The following SNTG1 variants were observed in gnomAD, a reference collection of about 807,000 sequenced individuals.
SNTG1 encodes syntrophin gamma 1, also known as gamma-1-syntrophin.
A neutral mutation model predicts 74.7 loss-of-function variants in SNTG1; 39 were observed. That is an observed-to-expected ratio of 0.52 (90% CI 0.40 to 0.68). The LOEUF (loss-of-function observed/expected upper bound fraction) is 0.68. Ranked by LOEUF, SNTG1 falls within the 30% of genes least tolerant of loss-of-function variation. SNTG1 has a pLI of 0.00. For missense variants in SNTG1, 685 were observed against 609.5 expected (o/e 1.12, Z -1.30); for synonymous variants, 254 against 217.1 (o/e 1.17, Z -1.49).
intron 11 of SNTG1, among the ~76,000 whole-genome samples, chr8:50,541,093 T>C (rs909804984): frequency 5.3e-5 from 8 of 152,154 alleles, no homozygotes; most frequent in Admixed American, 5.2e-4. Context: ...TTAAACCTTT[T>C]ATTTTGAAAA....
At chr8:50,264,063 A>G (rs990339343) in intron 2 of SNTG1, among the ~76,000 whole-genome samples, 1 of 152,258 alleles carries the variant, frequency 6.6e-6, no homozygotes, top group African/African-American at 2.4e-5. Flanking sequence ...AAAATTAAAC[A>G]TTAAGCATTC....
intron 8 of SNTG1, among the ~76,000 whole-genome samples, chr8:50,467,041 T>A (rs953215446): frequency 6.6e-6 from 1 of 151,958 alleles, no homozygotes; most frequent in Non-Finnish European, 1.5e-5. Context: ...GATGTATAAC[T>A]CTTTTTATAC....
In SNTG1 at chr8:50,202,900, G is replaced by A. The variant is rs185478436; in HGVS notation, c.-28+30265G>A. ...TGTTCTCTGTGTATTCTGTTTTTTT[G>A]TTTTGAGTAGCATTAATTTTGGAAA... On this transcript the variant is annotated intron_variant, in intron 2 of 18. Transcript: ENST00000642720. Among the ~76,000 whole-genome samples the A allele has an allele frequency of 1.2e-3, 178 of 147,398 alleles. 1 individual carries two copies. The highest frequency in any genetic ancestry group is 4.7e-3 in the South Asian group (22 of 4,666).
At chr8:50,722,629 T>C (rs936105205) in intron 17 of SNTG1, among the ~76,000 whole-genome samples, 6 of 152,178 alleles carry the variant, frequency 3.9e-5, no homozygotes, top group Non-Finnish European at 8.8e-5. Context: ...TTATATTCTT[T>C]AATTAATTAT....
Position 50,778,441 on chromosome 8 carries a change from C to T in SNTG1, c.1396-14230C>T, listed in dbSNP as rs569632432. ...CTCATTGTGGTTTTGATTTGCATTT[C>T]TCTGATGGCCAGTGATGGTGAGCAT... On this transcript the variant is annotated intron_variant, in intron 18 of 18. Transcript: ENST00000642720. 3.7e-3 allele frequency among the ~76,000 whole-genome samples: 562 copies of T among 151,982 alleles called. 4 individuals carry two copies. Among genetic ancestry groups the T allele is most frequent in the African/African-American group, 0.013 (520 of 41,410 alleles).
chr8:49,979,141 G>A (rs1812443503), intron 1 of SNTG1, among the ~76,000 whole-genome samples: 2 of 152,296 alleles, frequency 1.3e-5, no homozygotes, highest in African/African-American at 2.4e-5. Context: ...ACTAGCAGGC[G>A]GGGAAGGACT....
At chr8:50,258,538 T>C (rs1200029496) in intron 2 of SNTG1, among the ~76,000 whole-genome samples, 6 of 152,196 alleles carry the variant, frequency 3.9e-5, no homozygotes, top group Middle Eastern at 3.4e-3. Context: ...AATTAAAAGA[T>C]GGTATGATGA....
intron 2 of SNTG1, among the ~76,000 whole-genome samples, chr8:50,221,805 C>T (rs183164395): frequency 3.1e-4 from 47 of 152,232 alleles, no homozygotes; most frequent in Admixed American, 2.5e-3. Context: ...GTTCCTTTTG[C>T]CAGCTGCCCA....
chr8:50,755,670 A>G (rs1249431694), intron 18 of SNTG1, among the ~76,000 whole-genome samples: 1 of 151,846 alleles, frequency 6.6e-6, no homozygotes, highest in African/African-American at 2.4e-5. Flanking sequence ...AGTTTTTTTA[A>G]AATTGCCAAA....
intron 1 of SNTG1, among the ~76,000 whole-genome samples, chr8:50,065,644 A>G (rs925355970): frequency 6.6e-6 from 1 of 152,232 alleles, no homozygotes; most frequent in African/African-American, 2.4e-5. Context: ...GGATCATTTC[A>G]GAACATTTAA....
chr8:50,461,667 T>G (rs1213645510), intron 8 of SNTG1, among the ~76,000 whole-genome samples: 1 of 152,208 alleles, frequency 6.6e-6, no homozygotes, highest in Non-Finnish European at 1.5e-5. Context: ...TCTGTGGACT[T>G]CAGTGTCACT....
At chr8:50,494,864 A>T (rs2131905778) in intron 8 of SNTG1, among the ~76,000 whole-genome samples, 1 of 152,132 alleles carries the variant, frequency 6.6e-6, no homozygotes, top group South Asian at 2.1e-4. Context: ...AATTTTATCA[A>T]ATGTTTCAAT....
intron 2 of SNTG1, among the ~76,000 whole-genome samples, chr8:50,205,585 G>C (rs1481141084): frequency 1.3e-5 from 2 of 152,108 alleles, no homozygotes; most frequent in African/African-American, 4.8e-5. Flanking sequence ...GATCCCATTT[G>C]TCCATTTTGG....
chr8:50,539,506 G>T (rs1319553203), intron 11 of SNTG1, among the ~76,000 whole-genome samples: 1 of 152,150 alleles, frequency 6.6e-6, no homozygotes, highest in Non-Finnish European at 1.5e-5. Context: ...AAGGAAGGAG[G>T]TGGACGGATA....
chr8:49,948,906 T>C (rs1451796780), intron 1 of SNTG1, among the ~76,000 whole-genome samples: 2 of 152,194 alleles, frequency 1.3e-5, no homozygotes, highest in Non-Finnish European at 2.9e-5. Context: ...GTCCACCTTT[T>C]GGTCTTTCCT....
intron 4 of SNTG1, among the ~76,000 whole-genome samples, chr8:50,436,198 G>T (rs10957915): frequency 0.83 from 125,894 of 152,100 alleles, 52,546 homozygotes; most frequent in Non-Finnish European, 0.89. Flanking sequence ...TTTTGATACT[G>T]TTTTAAGGAA....
chr8:50,355,673 A>G (rs1041745189), intron 2 of SNTG1, among the ~76,000 whole-genome samples: 2 of 152,196 alleles, frequency 1.3e-5, no homozygotes, highest in African/African-American at 4.8e-5. Flanking sequence ...GCTGCTGAGA[A>G]ATGTGATGCT....
chr8:50,188,160 G>T (rs749688845), intron 2 of SNTG1, among the ~76,000 whole-genome samples: 2 of 152,078 alleles, frequency 1.3e-5, no homozygotes, highest in Non-Finnish European at 2.9e-5. Flanking sequence ...TATCTTTATG[G>T]TGTTCCATTC....
rs113846712 is a variant in SNTG1 at position 50,411,074 on chromosome 8, A to G, written c.162+8730A>G. 1.4e-4 allele frequency among the ~76,000 whole-genome samples: 21 copies of G among 152,288 alleles called. 1 individual carries two copies. The highest frequency in any genetic ancestry group is 4.1e-4 in the South Asian group (2 of 4,828). On this transcript the variant is annotated intron_variant, in intron 4 of 18. Transcript: ENST00000642720. Reference sequence around the variant, plus strand: ...TGATTGTATGTTTATAAACTTTTCAATCAGAAGTATTTTATGTTTGCGCTT... The same window carrying G: ...TGATTGTATGTTTATAAACTTTTCAGTCAGAAGTATTTTATGTTTGCGCTT...
Sources: gnomAD v4.1 joint callset for allele counts (sites outside exome capture counted in the v4.1 genomes callset) on GRCh38, gnomAD v4.1.1 for gene constraint, MANE v1.5 for transcripts, NCBI Gene and HGNC (gene_info 2026-07-23, HGNC 2026-07-21) for gene names.